SRCAP: variants seen among roughly 807,000 people sequenced by gnomAD.
SRCAP encodes the protein Snf2 related CREBBP activator protein, also known as chromatin remodeling protein SRCAP.
In SRCAP, 46 loss-of-function variants were observed where a neutral mutation model predicts 263.1. The observed-to-expected ratio is 0.17, with a 90% CI of 0.14 to 0.22. The LOEUF (loss-of-function observed/expected upper bound fraction) is 0.22, where lower values mean the gene tolerates loss of function less well. SRCAP is among the 10% of genes least tolerant of loss of function. SRCAP has a pLI of 1.00. For missense variants in SRCAP, 3,695 were observed against 4,181.9 expected, an observed-to-expected ratio of 0.88 and a Z score of 3.21; for synonymous variants, 1,813 against 1,662.1, an observed-to-expected ratio of 1.09 and a Z score of -2.21.
At position 30,716,194 on chromosome 16, in the gene SRCAP, A is replaced by T; in HGVS notation, c.2622A>T (p.Ala874=). ...RQRCLYDDFM[A]QTTTKETLAT... is the part of the protein sequence containing the mutation. ...GCTGTCTCTATGATGACTTCATGGCACAGACCACGTAAGGGAGGAAGGAGG... is the reference window on the plus strand; with the variant it reads ...GCTGTCTCTATGATGACTTCATGGCTCAGACCACGTAAGGGAGGAAGGAGG... The change falls in exon 17 of 34, where the codon GCA becomes GCT. Residue 874 remains alanine, a synonymous_variant. Coordinates refer to ENST00000262518, the MANE Select transcript of SRCAP (RefSeq NM_006662.3). The T allele has an allele frequency of 6.2e-7, 1 of 1,614,178 alleles. No homozygotes were observed. The highest frequency in any genetic ancestry group is 1.3e-5 in the African/African-American group (1 of 75,050).
chr16:30,719,917 G>T (rs2052993290), intron 18 of SRCAP, among the ~76,000 whole-genome samples: 1 of 152,120 alleles, frequency 6.6e-6, no homozygotes, highest in Non-Finnish European at 1.5e-5. Context: ...CAGGTTGTGA[G>T]CATGGTACTC....
chr16:30,710,641 G>A (rs1380133219), intron 8 of SRCAP, 113 bp from the exon 9 acceptor site: 1 of 1,067,042 alleles, frequency 9.4e-7, no homozygotes, highest in African/African-American at 1.6e-5. Context: ...TATACCAGTG[G>A]CAACTGTCAC....
chr16:30,738,442 C>T lies in SRCAP; in HGVS notation c.8402C>T (p.Ser2801Phe). ...GTCCGCAGCATGTCAGGGCCAGAAT[C>T]CTCCCCTCCCATTGGTGGGCCCTGT... The part of the protein sequence containing the change: ...PSVRSMSGPE[S>F]SPPIGGPCEA... The change falls in exon 34 of 34, where the codon TCC becomes TTC. Residue 2801 changes from serine to phenylalanine, a missense_variant. Physicochemically the swap from Ser to Phe is radical, Grantham distance 155 (BLOSUM62 -2). This residue lies in a region of SRCAP where 1,207 missense variants were observed against 1,142.9 expected (regional missense o/e 1.06). Coordinates refer to ENST00000262518, the MANE Select transcript of SRCAP (RefSeq NM_006662.3). 4 of 1,555,194 alleles carry T rather than the reference C, an allele frequency of 2.6e-6. No individual in the cohort carries two copies. Among genetic ancestry groups the T allele is most frequent in the Non-Finnish European group, 3.5e-6 (4 of 1,150,236 alleles).
chr16:30,735,220 C>G (rs964109516), intron 31 of SRCAP, among the ~76,000 whole-genome samples: 81 of 146,564 alleles, frequency 5.5e-4, no homozygotes, highest in Non-Finnish European at 1.9e-4. Context: ...GATCTCGGCT[C>G]ACTGCAAGCT....
At chr16:30,717,693 A>T (rs1252717290) in intron 18 of SRCAP, among the ~76,000 whole-genome samples, 1 of 140,024 alleles carries the variant, frequency 7.1e-6, no homozygotes, top group Non-Finnish European at 1.5e-5. Context: ...GCTTACTGCA[A>T]CCTCCGCCTC....
chr16:30,724,061 C>T lies in SRCAP; in HGVS notation c.4637C>T (p.Ser1546Leu). ...AACTCAACCGTGGCCCCAGCATGCTCACCTGTCCTGGTGCCAGCTTCGGCT... is the reference window on the plus strand; with the variant it reads ...AACTCAACCGTGGCCCCAGCATGCTTACCTGTCCTGGTGCCAGCTTCGGCT... ...GLNSTVAPAC[S>L]PVLVPASALA... The change falls in exon 25 of 34, where the codon TCA (serine) becomes TTA (leucine). Residue 1546 changes from serine to leucine, a missense_variant. Physicochemically the swap from Ser to Leu is moderately radical, Grantham distance 145. Around this residue, in one of 12 missense-constraint regions of SRCAP, gnomAD observed 1,347 missense variants for 1,304.4 expected, o/e 1.03. Transcript: ENST00000262518. 1.2e-6 allele frequency: 2 copies of T among 1,613,798 alleles called. No homozygotes were observed. The highest frequency in any genetic ancestry group is 2.2e-5 in the East Asian group (1 of 44,892).
intron 31 of SRCAP, among the ~76,000 whole-genome samples, chr16:30,735,303 C>CTAGT (rs1353186950): frequency 6.6e-6 from 1 of 150,604 alleles, no homozygotes; most frequent in Non-Finnish European, 1.5e-5. Flanking sequence ...CCCGCCACTA[C>CTAGT]GCCCGGCTAA....
chr16:30,703,672 G>A (rs1324672748), intron 3 of SRCAP, among the ~76,000 whole-genome samples: 5 of 151,484 alleles, frequency 3.3e-5, no homozygotes, highest in African/African-American at 7.3e-5. Flanking sequence ...TGAGGTGGGC[G>A]GATCATGAGG....
Position 30,739,372 on chromosome 16 carries a change from T to G in SRCAP, c.9332T>G (p.Val3111Gly), listed in dbSNP as rs772437671. The change falls in exon 34 of 34, where the codon GTC becomes GGC. Residue 3111 changes from valine (V) to glycine (G), a missense_variant. By Grantham distance (109) the Val-to-Gly change is moderately radical. Around this residue, in one of 12 missense-constraint regions of SRCAP, gnomAD observed 1,207 missense variants for 1,142.9 expected, o/e 1.06. Coordinates refer to ENST00000262518, the MANE Select transcript of SRCAP (RefSeq NM_006662.3). ...GGGTTGGAATTGACACCACCTGTGG[T>G]CTCACTAACCCCAAAACTGCGCTCG... The part of the protein sequence containing the change: ...PGGLELTPPV[V>G]SLTPKLRSTR... 4 of 1,614,040 alleles carry G rather than the reference T, an allele frequency of 2.5e-6. No homozygotes were observed. Among genetic ancestry groups the G allele is most frequent in the Non-Finnish European group, 3.4e-6 (4 of 1,180,010 alleles).
In SRCAP at chr16:30,720,719, G is replaced by A. The variant is rs745483557; in HGVS notation, c.2994G>A (p.Leu998=). The change falls in exon 20 of 34, where the codon CTG becomes CTA. Residue 998 remains leucine (L), a synonymous_variant. Transcript: ENST00000262518. ...KPVKMKVNRM[L]QPVPKQEGRT... ...TCTTAATTTTTTCTCACAGGATGCT[G>A]CAGCCAGTACCTAAGCAAGAAGGCC... 4.4e-6 allele frequency: 7 copies of A among 1,597,268 alleles called. No homozygotes were observed. Among genetic ancestry groups the A allele is most frequent in the Admixed American group, 3.5e-5 (2 of 57,862 alleles).
At chr16:30,720,139 C>G in intron 18 of SRCAP, 23 bp from the exon 19 acceptor site, 1 of 1,596,280 alleles carries the variant, frequency 6.3e-7, no homozygotes, top group Non-Finnish European at 8.6e-7. Context: ...TTCTTTATGA[C>G]TGTGCTTTCT....
chr16:30,704,055 C>G lies in SRCAP; in HGVS notation c.55-9C>G. The G allele has an allele frequency of 6.2e-7, 1 of 1,602,832 alleles. No individual in the cohort carries two copies. Among genetic ancestry groups the G allele is most frequent in the Non-Finnish European group, 8.5e-7 (1 of 1,172,710 alleles). Reference sequence around the variant, plus strand: ...CATTTATTTTCTCCATCATTTTCCTCTTTTCTAGATGGTGTCGGACGGCAT... The same window carrying G: ...CATTTATTTTCTCCATCATTTTCCTGTTTTCTAGATGGTGTCGGACGGCAT... On this transcript the variant is annotated splice_polypyrimidine_tract_variant and intron_variant, in intron 3 of 33. Coordinates refer to ENST00000262518, the MANE Select transcript of SRCAP (RefSeq NM_006662.3).
intron 31 of SRCAP, among the ~76,000 whole-genome samples, chr16:30,735,728 G>A (rs1229092403): frequency 1.3e-5 from 2 of 151,622 alleles, no homozygotes; most frequent in South Asian, 2.1e-4. Context: ...TTACAGGCGC[G>A]TGCCACCACG....
intron 25 of SRCAP, chr16:30,725,965 T>TACAATCATCA (rs1239020429): frequency 3.6e-4 from 55 of 152,128 alleles, no homozygotes; most frequent in African/African-American, 1.3e-3. Flanking sequence ...TATAGGGTTG[T>TACAATCATCA]ACAATCATCA....
rs1248004021 is a variant in SRCAP at position 30,724,825 on chromosome 16, G to A, written c.5401G>A (p.Ala1801Thr). ...SPAPVPTLGPAAAQTLALAPA... is the reference protein window; with the variant it reads ...SPAPVPTLGPTAAQTLALAPA... ...TGCCCCAGTTCCTACCCTGGGCCCG[G>A]CCGCAGCTCAGACCTTGGCGCTGGC... Residue 1801 changes from alanine (A) to threonine (T), a missense_variant, in exon 25 of 34, where the codon GCC (alanine) becomes ACC (threonine). Around this residue, in one of 12 missense-constraint regions of SRCAP, gnomAD observed 1,347 missense variants for 1,304.4 expected, o/e 1.03. Transcript: ENST00000262518. 1 of 1,613,936 alleles carries A rather than the reference G, an allele frequency of 6.2e-7. No homozygotes were observed. The highest frequency in any genetic ancestry group is 1.6e-4 in the Middle Eastern group (1 of 6,062).
At chr16:30,714,975 C>T (rs919750560) in intron 16 of SRCAP, among the ~76,000 whole-genome samples, 16 of 152,138 alleles carry the variant, frequency 1.1e-4, no homozygotes. Context: ...TTTTAAATCA[C>T]AACATCTTTC....
Position 30,736,413 on chromosome 16 carries a change from A to G in SRCAP, c.6924+19A>G. On this transcript the variant is annotated intron_variant, in intron 32 of 33. Coordinates refer to ENST00000262518, the MANE Select transcript of SRCAP (RefSeq NM_006662.3). ...AGAACAGGTCAGTGCTGGACCCACT[A>G]GTTCTTGACTTTACTGCTTCCCCTG... The G allele has an allele frequency of 6.2e-7, 1 of 1,604,866 alleles. No homozygotes were observed. Among genetic ancestry groups the G allele is most frequent in the Non-Finnish European group, 8.5e-7 (1 of 1,173,548 alleles).
At chr16:30,732,377 G>T (rs918160248) in intron 27 of SRCAP, among the ~76,000 whole-genome samples, 1 of 151,932 alleles carries the variant, frequency 6.6e-6, no homozygotes, top group Non-Finnish European at 1.5e-5. Context: ...CTTGAATCCA[G>T]GAGGTGGAGG....
intron 5 of SRCAP, 64 bp downstream of exon 5, chr16:30,707,432 G>A: frequency 6.2e-7 from 1 of 1,603,808 alleles, no homozygotes; most frequent in Non-Finnish European, 8.5e-7. Context: ...CGGTTTGTTG[G>A]AAGGGGACCA....
Sources: gnomAD v4.1 joint callset for allele counts (sites outside exome capture counted in the v4.1 genomes callset) on GRCh38, gnomAD v4.1.1 for gene constraint, gnomAD v4.1.1 regional missense constraint, MANE v1.5 for transcripts, NCBI Gene and HGNC (gene_info 2026-07-23, HGNC 2026-07-21) for gene names.